EXOC4: variants seen among roughly 807,000 people sequenced by gnomAD.
The protein encoded by EXOC4 is SEC8-like 1.
Under a neutral mutation model 107.2 loss-of-function variants are expected in EXOC4, and 71 were observed. That is an observed-to-expected ratio of 0.66 (90% CI 0.55 to 0.81). EXOC4 has a LOEUF of 0.81. Ranked by LOEUF, EXOC4 falls within the 30% of genes least tolerant of loss-of-function variation. The pLI, the probability that EXOC4 is intolerant of heterozygous loss-of-function variation, is 0.00. For synonymous variants in EXOC4, 456 were observed against 441.2 expected (o/e 1.03, Z -0.42); for missense variants, 1,108 against 1,189.6 (o/e 0.93, Z 1.01).
chr7:134,068,926 G>C (rs943119407), downstream of EXOC4, among the ~76,000 whole-genome samples: 1 of 152,186 alleles, frequency 6.6e-6, no homozygotes, highest in Non-Finnish European at 1.5e-5. Context: ...AGCTCAGGTT[G>C]ATATGGGAGT....
chr7:133,695,671 C>G (rs1794518076), intron 10 of EXOC4, among the ~76,000 whole-genome samples: 1 of 152,016 alleles, frequency 6.6e-6, no homozygotes, highest in African/African-American at 2.4e-5. Flanking sequence ...AAAACCAAAC[C>G]ATCATCACCT....
chr7:133,831,077 G>A (rs1354033983), intron 11 of EXOC4, among the ~76,000 whole-genome samples: 1 of 152,152 alleles, frequency 6.6e-6, no homozygotes, highest in East Asian at 1.9e-4. Flanking sequence ...CAATTCTCCT[G>A]CCTCAGCCTC....
intron 11 of EXOC4, among the ~76,000 whole-genome samples, chr7:133,822,611 G>C (rs1181258535): frequency 6.6e-6 from 1 of 152,198 alleles, no homozygotes; most frequent in East Asian, 1.9e-4. Flanking sequence ...ATATACATTA[G>C]AGTTTGAGCA....
At chr7:133,889,370 CTT>C (rs1018083926) in intron 11 of EXOC4, among the ~76,000 whole-genome samples, 6 of 134,394 alleles carry the variant, frequency 4.5e-5, no homozygotes, top group Non-Finnish European at 8.2e-5. Context: ...GTTCATATTT[CTT>C]TTTTTTTTTT....
chr7:133,375,337 G>C (rs143755145), intron 7 of EXOC4, among the ~76,000 whole-genome samples: 1 of 152,040 alleles, frequency 6.6e-6, no homozygotes, highest in African/African-American at 2.4e-5. Context: ...TTAGCTGGGC[G>C]TGGTGGCGGG....
chr7:133,279,498 T>G (rs2150530674), intron 2 of EXOC4, among the ~76,000 whole-genome samples: 1 of 152,336 alleles, frequency 6.6e-6, no homozygotes, highest in Middle Eastern at 3.4e-3. Context: ...TGTCACCTTT[T>G]AAAGCTTGAG....
chr7:133,581,044 C>T (rs1056209542), intron 9 of EXOC4, among the ~76,000 whole-genome samples: 22 of 152,240 alleles, frequency 1.4e-4, no homozygotes, highest in Non-Finnish European at 2.4e-4. Flanking sequence ...ATGCATTTTC[C>T]GTGTTGTATA....
At chr7:133,340,595 G>A (rs1471111963) in intron 5 of EXOC4, among the ~76,000 whole-genome samples, 1 of 152,000 alleles carries the variant, frequency 6.6e-6, no homozygotes, top group Non-Finnish European at 1.5e-5. Context: ...AGTGTCAATA[G>A]GATTGGTACC....
intron 9 of EXOC4, among the ~76,000 whole-genome samples, chr7:133,500,995 T>C (rs12707091): frequency 0.27 from 40,586 of 152,100 alleles, 5,931 homozygotes; most frequent in Middle Eastern, 0.39. Flanking sequence ...CTCCATGAAG[T>C]TTTTAAATAC....
At chr7:134,003,228 A>G (rs1174745356) in intron 15 of EXOC4, among the ~76,000 whole-genome samples, 2 of 152,190 alleles carry the variant, frequency 1.3e-5, no homozygotes, top group Admixed American at 6.5e-5. Context: ...TTCCATTTAT[A>G]TGGCATCCTG....
chr7:133,993,667 T>C (rs1225832873), intron 14 of EXOC4, among the ~76,000 whole-genome samples: 1 of 152,218 alleles, frequency 6.6e-6, no homozygotes, highest in Non-Finnish European at 1.5e-5. Flanking sequence ...GTCAAGCAGT[T>C]GCTTCTTTTG....
chr7:134,099,417 G>A, the EXOC4 span, among the ~76,000 whole-genome samples: 1 of 152,026 alleles, frequency 6.6e-6, no homozygotes, highest in African/African-American at 2.4e-5. Context: ...CTAGAGGGAA[G>A]GAAAGTCACA....
the EXOC4 span, among the ~76,000 whole-genome samples, chr7:134,071,852 G>C: frequency 6.6e-6 from 1 of 152,130 alleles, no homozygotes; most frequent in Non-Finnish European, 1.5e-5. Context: ...AAACCCCCTT[G>C]TCTAGTGTGG....
At chr7:133,684,474 CATG>C (rs1362524953) in intron 10 of EXOC4, among the ~76,000 whole-genome samples, 2 of 151,834 alleles carry the variant, frequency 1.3e-5, no homozygotes, top group South Asian at 2.1e-4. Context: ...AAGGCTTTTC[CATG>C]ATATCTGATA....
intron 10 of EXOC4, among the ~76,000 whole-genome samples, chr7:133,785,387 A>AT (rs11296621): frequency 0.88 from 134,023 of 152,026 alleles, 59,188 homozygotes; most frequent in Admixed American, 0.91. Context: ...TTTTTAATTG[A>AT]TTTTTTCTTC....
intron 11 of EXOC4, among the ~76,000 whole-genome samples, chr7:133,857,764 A>G (rs1798448794): frequency 6.6e-6 from 1 of 152,072 alleles, no homozygotes; most frequent in South Asian, 2.1e-4. Context: ...ATGTGGTGAC[A>G]TCTGAAAACT....
intron 7 of EXOC4, among the ~76,000 whole-genome samples, chr7:133,458,215 G>A (rs1047886845): frequency 2.0e-5 from 3 of 152,270 alleles, no homozygotes; most frequent in South Asian, 2.1e-4. Flanking sequence ...TCTGAAGCTG[G>A]AGAATCTGAG....
chr7:133,893,903 T>C lies in EXOC4; in HGVS notation c.1735-1696T>C, dbSNP rs1174960873. ...CTTTGGTGAATCTGATAATTATGTG[T>C]CTTGGAGTTGCTCTTCTCGAGGAGT... On this transcript the variant is annotated intron_variant, in intron 11 of 17. Transcript: ENST00000253861. Among the ~76,000 whole-genome samples, 2 of 79,666 alleles carry C rather than the reference T, an allele frequency of 2.5e-5. 1 individual carries two copies. The highest frequency in any genetic ancestry group is 4.4e-5 in the Non-Finnish European group (2 of 45,932). 52.3% of individuals were successfully genotyped at this position (79,666 alleles called of 152,430 possible). A position where few individuals can be genotyped will look rare whatever the true frequency, so the allele number is the denominator to read the frequency against.
intron 9 of EXOC4, among the ~76,000 whole-genome samples, chr7:133,580,711 ACCTC>A (rs1340450146): frequency 6.6e-6 from 1 of 152,144 alleles, no homozygotes; most frequent in African/African-American, 2.4e-5. Flanking sequence ...GCTTTTTAAT[ACCTC>A]CCGCACATAT....
Sources: gnomAD v4.1 joint callset for allele counts (sites outside exome capture counted in the v4.1 genomes callset) on GRCh38, gnomAD v4.1.1 for gene constraint, MANE v1.5 for transcripts, NCBI Gene and HGNC (gene_info 2026-07-23, HGNC 2026-07-21) for gene names.